The following ADAM9 variants were observed in gnomAD, a reference collection of about 807,000 sequenced individuals.
The protein encoded by ADAM9 is disintegrin and metalloproteinase domain-containing protein 9.
ADAM9 carries 54 observed loss-of-function variants against 108.1 expected under a neutral mutation model. The ratio of observed to expected loss-of-function variants is 0.50; its 90% CI spans 0.40 to 0.63. ADAM9 has a LOEUF of 0.63. ADAM9 is among the 20% of genes least tolerant of loss of function. The pLI is 0.00. For missense variants in ADAM9, 830 were observed against 997.7 expected (o/e 0.83, Z 2.26); for synonymous variants, 316 against 336.0 (o/e 0.94, Z 0.65).
intron 11 of ADAM9, among the ~76,000 whole-genome samples, chr8:39,029,614 A>G (rs1326606495): frequency 6.6e-6 from 1 of 152,164 alleles, no homozygotes; most frequent in Non-Finnish European, 1.5e-5. Flanking sequence ...AATTTTATCA[A>G]ATGCCTTTTT....
intron 12 of ADAM9, among the ~76,000 whole-genome samples, chr8:39,049,638 C>T (rs1460025323): frequency 6.6e-6 from 1 of 151,932 alleles, no homozygotes; most frequent in Non-Finnish European, 1.5e-5. Flanking sequence ...GGGGTTTTAC[C>T]ATGTTGTCCA....
In ADAM9 at chr8:39,016,143, T is replaced by C. The variant is rs771362014; in HGVS notation, c.359T>C (p.Val120Ala). The change falls in exon 5 of 22, where the codon GTG (valine) becomes GCG (alanine). Residue 120 changes from valine (V) to alanine (A), a missense_variant. Transcript: ENST00000487273. ...IQNHCHYRGYVEGVHNSSIAL... is the reference protein window; with the variant it reads ...IQNHCHYRGYAEGVHNSSIAL... ...AATCATTGTCATTATCGGGGCTATGTGGAGGGAGTTCATAATTCATCCATT... is the reference window on the plus strand; with the variant it reads ...AATCATTGTCATTATCGGGGCTATGCGGAGGGAGTTCATAATTCATCCATT... 6.2e-7 allele frequency: 1 copy of C among 1,613,844 alleles called. No homozygotes were observed. The highest frequency in any genetic ancestry group is 8.5e-7 in the Non-Finnish European group (1 of 1,179,796).
intron 15 of ADAM9, among the ~76,000 whole-genome samples, chr8:39,074,331 A>G (rs1413091680): frequency 6.6e-6 from 1 of 152,170 alleles, no homozygotes; most frequent in Non-Finnish European, 1.5e-5. Flanking sequence ...TAGTACATAG[A>G]CAATGTCATT....
chr8:39,054,466 A>C lies in ADAM9; in HGVS notation c.1303-15A>C. 6.2e-7 allele frequency: 1 copy of C among 1,608,238 alleles called. No individual in the cohort carries two copies. The highest frequency in any genetic ancestry group is 8.5e-7 in the Non-Finnish European group (1 of 1,175,176). ...ATTACTAATTTCTTTATTGACAGTC[A>C]TTTTATGTTCACAGGAATGTGAATT... is the stretch of plus-strand genomic sequence containing the variant. On this transcript the variant is annotated splice_polypyrimidine_tract_variant and intron_variant, in intron 12 of 21. Coordinates refer to ENST00000487273, the MANE Select transcript of ADAM9 (RefSeq NM_003816.3).
chr8:39,039,241 T>A (rs1474698703), intron 11 of ADAM9, among the ~76,000 whole-genome samples: 1 of 152,198 alleles, frequency 6.6e-6, no homozygotes, highest in Non-Finnish European at 1.5e-5. Context: ...TGAAAAGAGA[T>A]TCAGGGTACC....
Position 39,103,677 on chromosome 8 carries a change from C to T in ADAM9, c.2437C>T (p.Pro813Ser). 1.2e-6 allele frequency: 2 copies of T among 1,614,044 alleles called. No homozygotes were observed. Among genetic ancestry groups the T allele is most frequent in the Non-Finnish European group, 1.7e-6 (2 of 1,179,940 alleles). ...LIPARPAPAPPLYSSLT is the reference protein window; with the variant it reads ...LIPARPAPAPSLYSSLT ...TCCTGCCCGTCCTGCTCCTGCACCT[C>T]CTTTATATAGTTCCCTCACTTGATT... The change falls in exon 22 of 22, where the codon CCT becomes TCT. Residue 813 changes from proline (P) to serine (S), a missense_variant. Physicochemically the swap from Pro to Ser is moderately conservative, Grantham distance 74. Around this residue, in one of 3 missense-constraint regions of ADAM9, gnomAD observed 238 missense variants for 235.7 expected, o/e 1.01. Coordinates refer to ENST00000487273, the MANE Select transcript of ADAM9 (RefSeq NM_003816.3).
chr8:39,001,132 A>G (rs771157963), intron 1 of ADAM9, among the ~76,000 whole-genome samples: 8 of 152,174 alleles, frequency 5.3e-5, no homozygotes, highest in Non-Finnish European at 8.8e-5. Flanking sequence ...TGTTGTGAAG[A>G]TATCTTGGGC....
Position 39,077,313 on chromosome 8 carries a change from A to G in ADAM9, c.1783A>G (p.Ser595Gly). ...GIVPAIIQTPSRGTKCWGVDF... is the reference protein window; with the variant it reads ...GIVPAIIQTPGRGTKCWGVDF... ...TGTGCCTGCTATTATTCAAACGCCT[A>G]GTCGAGGCACCAAATGTTGGGGTGT... is the stretch of plus-strand genomic sequence containing the variant. The change falls in exon 16 of 22, where the codon AGT becomes GGT. Residue 595 changes from serine (S) to glycine (G), a missense_variant. This residue lies in a region of ADAM9 where 381 missense variants were observed against 539.8 expected (regional missense o/e 0.71). Transcript: ENST00000487273. 12 of 1,614,146 alleles carry G rather than the reference A, an allele frequency of 7.4e-6. No homozygotes were observed. The highest frequency in any genetic ancestry group is 1.0e-5 in the Non-Finnish European group (12 of 1,180,006).
intron 8 of ADAM9, 59 bp from the exon 9 acceptor site, chr8:39,023,097 A>G: frequency 6.8e-7 from 1 of 1,465,266 alleles, no homozygotes; most frequent in Non-Finnish European, 9.4e-7. Flanking sequence ...TCATGTGGTT[A>G]AAAGATTTTT....
At chr8:39,060,330 G>T (rs12546403) in intron 14 of ADAM9, among the ~76,000 whole-genome samples, 3 of 152,128 alleles carry the variant, frequency 2.0e-5, no homozygotes, top group Non-Finnish European at 4.4e-5. Flanking sequence ...GATCAAGTGG[G>T]CTAAGCAGCA....
intron 11 of ADAM9, among the ~76,000 whole-genome samples, chr8:39,033,275 T>A (rs370225029): frequency 6.6e-6 from 1 of 152,212 alleles, no homozygotes; most frequent in Non-Finnish European, 1.5e-5. Flanking sequence ...CCCTGTATCC[T>A]ATAACCTTAC....
rs552123273 is a variant in ADAM9, at chr8:39,068,112, C to T, written c.1592-3186C>T. ...CTGCGTAACCTCTGTTTCATATTAC[C>T]TTTTTTCTTTGTTTGAGTTTCCATC... On this transcript the variant is annotated intron_variant, in intron 14 of 21. Transcript: ENST00000487273. 2.6e-5 allele frequency among the ~76,000 whole-genome samples: 4 copies of T among 152,138 alleles called. No homozygotes were observed. The South Asian group carries it at 8.3e-4, about 32-fold the overall frequency.
chr8:39,045,142 GTGTATATATGTGTATACATACATATA>G, intron 12 of ADAM9, among the ~76,000 whole-genome samples: 2 of 112,710 alleles, frequency 1.8e-5, no homozygotes, highest in African/African-American at 3.1e-5. Flanking sequence ...ATACATATAT[GTGTATATATGTGTATACATACATATA>G]TGTGTATATA....
intron 5 of ADAM9, 90 bp downstream of exon 5, chr8:39,016,284 C>G: frequency 8.4e-7 from 1 of 1,196,608 alleles, no homozygotes; most frequent in Non-Finnish European, 1.2e-6. Context: ...TCATTTTGGG[C>G]ACTTAGCAAA....
At chr8:39,056,032 TTAA>T (rs1221376982) in intron 14 of ADAM9, among the ~76,000 whole-genome samples, 4 of 152,232 alleles carry the variant, frequency 2.6e-5, no homozygotes, top group Non-Finnish European at 4.4e-5. Flanking sequence ...GTATCTAGTT[TTAA>T]TAATGTTGAA....
At chr8:39,047,416 A>G (rs2129437519) in intron 12 of ADAM9, among the ~76,000 whole-genome samples, 1 of 152,190 alleles carries the variant, frequency 6.6e-6, no homozygotes, top group East Asian at 1.9e-4. Flanking sequence ...TCACCAGTAA[A>G]GCCATTGGTC....
intron 11 of ADAM9, among the ~76,000 whole-genome samples, chr8:39,035,950 T>C (rs1407554204): frequency 6.6e-6 from 1 of 152,186 alleles, no homozygotes; most frequent in African/African-American, 2.4e-5. Flanking sequence ...ATATTAAACT[T>C]TCTTTTTTTG....
At chr8:39,036,527 T>C (rs1224386089) in intron 11 of ADAM9, among the ~76,000 whole-genome samples, 1 of 152,204 alleles carries the variant, frequency 6.6e-6, no homozygotes, top group African/African-American at 2.4e-5. Context: ...CGATCTCCTT[T>C]TGAAGCCATT....
At chr8:39,094,957 G>C (rs1403615199) in intron 20 of ADAM9, among the ~76,000 whole-genome samples, 2 of 152,080 alleles carry the variant, frequency 1.3e-5, no homozygotes, top group Non-Finnish European at 2.9e-5. Context: ...TTTAGGCTCA[G>C]ATTGTTCCTC....
Sources: gnomAD v4.1 joint callset for allele counts (sites outside exome capture counted in the v4.1 genomes callset) on GRCh38, gnomAD v4.1.1 for gene constraint, gnomAD v4.1.1 regional missense constraint, MANE v1.5 for transcripts, NCBI Gene and HGNC (gene_info 2026-07-23, HGNC 2026-07-21) for gene names.